Variants in TMEM131 observed in about 807,000 individuals in gnomAD.
TMEM131 encodes transmembrane protein 131.
A neutral mutation model predicts 211.6 loss-of-function variants in TMEM131; 66 were observed. The ratio of observed to expected loss-of-function variants is 0.31; its 90% CI spans 0.26 to 0.38. The LOEUF is 0.38. Ranked by LOEUF, TMEM131 falls within the 10% of genes least tolerant of loss-of-function variation. The probability of loss-of-function intolerance (pLI) is 1.00; values close to 1 mark genes in which losing one functional copy is unlikely to be tolerated. For missense variants in TMEM131, 2,036 were observed against 2,299.3 expected (o/e 0.89, Z 2.34); for synonymous variants, 844 against 841.3 (o/e 1.00, Z -0.06).
At chr2:97,816,659 T>C (rs1274210280) in intron 12 of TMEM131, among the ~76,000 whole-genome samples, 1 of 152,210 alleles carries the variant, frequency 6.6e-6, no homozygotes, top group African/African-American at 2.4e-5. Flanking sequence ...GCTTGCTAGT[T>C]AGCCATCTCT....
intron 10 of TMEM131, among the ~76,000 whole-genome samples, chr2:97,833,956 C>T (rs1682824972): frequency 6.6e-6 from 1 of 152,286 alleles, no homozygotes; most frequent in South Asian, 2.1e-4. Context: ...AGCCATCATG[C>T]CCAGCCCCCC....
chr2:97,874,557 G>T (rs1337089576), intron 4 of TMEM131, among the ~76,000 whole-genome samples: 1 of 152,226 alleles, frequency 6.6e-6, no homozygotes, highest in South Asian at 2.1e-4. Context: ...AGAAGAGAGT[G>T]AGGCCCAATA....
Position 97,772,339 on chromosome 2 carries a change from A to G in TMEM131, c.4406T>C (p.Leu1469Pro). 1 of 1,602,270 alleles carries G rather than the reference A, an allele frequency of 6.2e-7. No individual in the cohort carries two copies. The highest frequency in any genetic ancestry group is 1.4e-5 in the African/African-American group (1 of 73,958). The change falls in exon 33 of 41, where the codon CTC (leucine) becomes CCC (proline). Residue 1469 changes from leucine (L) to proline (P), a missense_variant. Physicochemically the swap from Leu to Pro is moderately conservative, Grantham distance 98. This residue lies in a region of TMEM131 where 1,623 missense variants were observed against 1,805.9 expected (regional missense o/e 0.90). Transcript: ENST00000186436. ...TGGGATTTCTTTCTTAATATTTAAG[A>G]GTTTTTTGCTTTTTTGCTTCACTTG... ...MSQVKQKSKK[L>P]LNIKKEIPTD...
intron 31 of TMEM131, among the ~76,000 whole-genome samples, chr2:97,782,074 A>T (rs1680034912): frequency 6.6e-6 from 1 of 152,198 alleles, no homozygotes; most frequent in Non-Finnish European, 1.5e-5. Flanking sequence ...TTCATTCCAG[A>T]CAGTCAGTAA....
Position 97,796,840 on chromosome 2 carries a change from T to C in TMEM131, c.3013+4A>G. On this transcript the variant is annotated splice_donor_region_variant and intron_variant, in intron 27 of 40. Transcript: ENST00000186436. Reference sequence around the variant, plus strand: ...GTGTCCTTGAAACTGTTAGGAAGACTTACTATCTGTACAATCTTTTAACAA... The same window carrying C: ...GTGTCCTTGAAACTGTTAGGAAGACCTACTATCTGTACAATCTTTTAACAA... The C allele has an allele frequency of 6.2e-7, 1 of 1,612,346 alleles. No individual in the cohort carries two copies. Among genetic ancestry groups the C allele is most frequent in the Non-Finnish European group, 8.5e-7 (1 of 1,179,270 alleles).
intron 1 of TMEM131, among the ~76,000 whole-genome samples, chr2:97,935,332 GC>G (rs1384343864): frequency 1.3e-5 from 2 of 152,108 alleles, no homozygotes; most frequent in Non-Finnish European, 2.9e-5. Context: ...TCAAGATATT[GC>G]CATTGGGAGG....
chr2:97,940,824 A>T (rs894415271), intron 1 of TMEM131, among the ~76,000 whole-genome samples: 3 of 151,458 alleles, frequency 2.0e-5, no homozygotes, highest in Non-Finnish European at 4.4e-5. Context: ...AAAAAAAAAA[A>T]GACAAAAACA....
chr2:97,834,000 A>G (rs1682827049), intron 10 of TMEM131, among the ~76,000 whole-genome samples: 1 of 152,188 alleles, frequency 6.6e-6, no homozygotes, highest in East Asian at 1.9e-4. Context: ...AGACATTACT[A>G]ATCTTTTAGC....
At chr2:97,845,834 A>G (rs1374474386) in intron 5 of TMEM131, among the ~76,000 whole-genome samples, 1 of 152,138 alleles carries the variant, frequency 6.6e-6, no homozygotes, top group Admixed American at 6.6e-5. Context: ...CTCTACAGAG[A>G]GTGACTGTGA....
chr2:97,993,732 T>TTTATGGGTA (rs914547295), intron 1 of TMEM131, among the ~76,000 whole-genome samples: 4 of 152,170 alleles, frequency 2.6e-5, no homozygotes, highest in Non-Finnish European at 1.5e-5. Context: ...CTTACACACA[T>TTTATGGGTA]TTATGGGTAT....
intron 3 of TMEM131, among the ~76,000 whole-genome samples, chr2:97,894,074 T>A (rs757653122): frequency 2.0e-5 from 3 of 152,178 alleles, no homozygotes; most frequent in Non-Finnish European, 4.4e-5. Context: ...AACGAAAGGG[T>A]CCAGTTTCAG....
intron 1 of TMEM131, among the ~76,000 whole-genome samples, chr2:97,966,426 G>A (rs1679061851): frequency 6.6e-6 from 1 of 151,950 alleles, no homozygotes. Flanking sequence ...GATCTTAAAA[G>A]TATTTTGAGA....
chr2:97,863,586 A>T (rs1246225914), intron 4 of TMEM131, among the ~76,000 whole-genome samples: 1 of 152,240 alleles, frequency 6.6e-6, no homozygotes, highest in East Asian at 1.9e-4. Context: ...AAACATGGGC[A>T]AAGTATCTGA....
intron 11 of TMEM131, among the ~76,000 whole-genome samples, chr2:97,825,739 G>A (rs34373359): frequency 0.31 from 46,932 of 152,116 alleles, 8,571 homozygotes; most frequent in Non-Finnish European, 0.39. Flanking sequence ...CACAACCAGC[G>A]GCATACCTAA....
At position 97,985,356 on chromosome 2, in the gene TMEM131, C is replaced by CATAT. The variant is rs138134108; in HGVS notation, c.187+10116_187+10119dup. The stretch of plus-strand genomic sequence containing the variant: ...TAATTTCATACAGTTTTACTTAATA[C>CATAT]ATATATATATATACACACACACACA... On this transcript the variant is annotated intron_variant, in intron 1 of 40. Coordinates refer to ENST00000186436, the MANE Select transcript of TMEM131 (RefSeq NM_015348.2). 8.3e-3 allele frequency among the ~76,000 whole-genome samples: 1,251 copies of CATAT among 151,010 alleles called. 12 individuals carry two copies. The highest frequency in any genetic ancestry group is 0.025 in the African/African-American group (1,009 of 41,122).
chr2:97,795,192 A>T, intron 28 of TMEM131, 77 bp from the exon 29 acceptor site: 1 of 1,015,320 alleles, frequency 9.8e-7, no homozygotes, highest in Non-Finnish European at 1.4e-6. Context: ...CTGGTCCTAT[A>T]AGCCTTTGAA....
chr2:97,827,580 C>T (rs1242495468), intron 11 of TMEM131: 3 of 898,810 alleles, frequency 3.3e-6, no homozygotes, highest in Non-Finnish European at 3.8e-6. Context: ...ATCAGTGGTC[C>T]CTGTCTCCCT....
chr2:97,838,426 CTTTTTTTTTTTTTTTTTTTTTTTT>C (rs753635047), intron 7 of TMEM131, among the ~76,000 whole-genome samples: 1 of 89,084 alleles, frequency 1.1e-5, no homozygotes, highest in Admixed American at 1.4e-4. Flanking sequence ...TAAGCTTAAA[CTTTTTTTTTTTTTTTTTTTTTTTT>C]TTTTTTTTTT....
At chr2:97,822,069 C>A (rs1462562628) in intron 11 of TMEM131, among the ~76,000 whole-genome samples, 1 of 152,194 alleles carries the variant, frequency 6.6e-6, no homozygotes, top group African/African-American at 2.4e-5. Flanking sequence ...GTCCTAATGC[C>A]TGTCAGACAA....
Sources: allele counts gnomAD v4.1 joint callset (sites outside exome capture counted in the v4.1 genomes callset), GRCh38; gene constraint gnomAD v4.1.1; regional missense constraint gnomAD v4.1.1; transcripts MANE v1.5; gene names NCBI Gene and HGNC (gene_info 2026-07-23, HGNC 2026-07-21).